MMP16: variants seen among roughly 807,000 people sequenced by gnomAD.
MMP16 encodes the protein matrix metallopeptidase 16.
A neutral mutation model predicts 67.8 loss-of-function variants in MMP16; 12 were observed. The ratio of observed to expected loss-of-function variants is 0.18; its 90% confidence interval spans 0.11 to 0.29. The LOEUF (loss-of-function observed/expected upper bound fraction) is 0.29. Among genes scored for constraint, MMP16 ranks in the 10% least tolerant of loss-of-function variants. MMP16 has a pLI of 1.00. For synonymous variants in MMP16, 249 were observed against 255.9 expected, an observed-to-expected ratio of 0.97 and a Z score of 0.26; for missense variants, 475 against 765.7, an observed-to-expected ratio of 0.62 and a Z score of 4.48.
In MMP16 at chr8:88,308,053, C is replaced by A. The variant is rs535828083; in HGVS notation, c.132+19022G>T. On this transcript the variant is annotated intron_variant, in intron 1 of 9. Transcript: ENST00000286614. ...AGAAATGTTTAAATAAATCTGTGGA[C>A]AGAACTGTATTCAGAAATAGACTGA... is the stretch of plus-strand genomic sequence containing the variant. Among the ~76,000 whole-genome samples, 10 of 152,024 alleles carry A rather than the reference C, an allele frequency of 6.6e-5. No individual in the cohort carries two copies. The East Asian group carries it at 1.9e-3, about 29-fold the overall frequency.
chr8:88,288,906 A>C (rs993586656), intron 1 of MMP16, among the ~76,000 whole-genome samples: 1 of 152,300 alleles, frequency 6.6e-6, no homozygotes, highest in Admixed American at 6.5e-5. Flanking sequence ...ACATTTTCTG[A>C]GGGAACAAAA....
intron 1 of MMP16, among the ~76,000 whole-genome samples, chr8:88,319,649 A>G (rs1159965065): frequency 6.6e-6 from 1 of 152,188 alleles, no homozygotes; most frequent in Non-Finnish European, 1.5e-5. Context: ...GTCTGACTCC[A>G]TCAGCCGCAT....
chr8:88,237,733 G>C (rs1446066202), intron 1 of MMP16, among the ~76,000 whole-genome samples: 1 of 152,278 alleles, frequency 6.6e-6, no homozygotes, highest in East Asian at 1.9e-4. Context: ...AAGTATTTGT[G>C]AAAGAGGTTG....
chr8:88,043,710 G>A (rs1808163093), intron 9 of MMP16, among the ~76,000 whole-genome samples: 1 of 152,140 alleles, frequency 6.6e-6, no homozygotes, highest in Non-Finnish European at 1.5e-5. Context: ...TTTTAGTTTT[G>A]AAGGACAGTT....
intron 6 of MMP16, among the ~76,000 whole-genome samples, chr8:88,098,647 G>T (rs1314347423): frequency 1.3e-5 from 2 of 151,930 alleles, no homozygotes; most frequent in African/African-American, 4.8e-5. Flanking sequence ...TAATTACACA[G>T]TTGGAAATTC....
chr8:88,175,795 G>C (rs1390486325), intron 3 of MMP16, among the ~76,000 whole-genome samples: 2 of 152,148 alleles, frequency 1.3e-5, no homozygotes, highest in Non-Finnish European at 2.9e-5. Flanking sequence ...GGAGGTAATT[G>C]AATCATGGGG....
At chr8:88,166,171 C>A (rs529775740) in intron 4 of MMP16, among the ~76,000 whole-genome samples, 9 of 152,018 alleles carry the variant, frequency 5.9e-5, no homozygotes, top group Non-Finnish European at 1.2e-4. Flanking sequence ...GCTAACTGAA[C>A]CCTCTTATGA....
intron 2 of MMP16, among the ~76,000 whole-genome samples, chr8:88,196,684 T>C (rs1809262111): frequency 6.6e-6 from 1 of 152,180 alleles, no homozygotes; most frequent in Non-Finnish European, 1.5e-5. Context: ...TAACTGGCTC[T>C]CTGACGCTGC....
intron 1 of MMP16, among the ~76,000 whole-genome samples, chr8:88,275,100 C>CAA (rs1261240778): frequency 6.6e-6 from 1 of 151,950 alleles, no homozygotes; most frequent in Admixed American, 6.6e-5. Flanking sequence ...CCAGACATTA[C>CAA]ACTTGAGAGG....
At chr8:88,261,172 C>G (rs1455845537) in intron 1 of MMP16, among the ~76,000 whole-genome samples, 1 of 152,094 alleles carries the variant, frequency 6.6e-6, no homozygotes, top group Non-Finnish European at 1.5e-5. Flanking sequence ...TAATCATTCC[C>G]TCTGGTCTCA....
At chr8:88,246,380 A>C (rs1311625257) in intron 1 of MMP16, among the ~76,000 whole-genome samples, 1 of 152,196 alleles carries the variant, frequency 6.6e-6, no homozygotes, top group Admixed American at 6.5e-5. Flanking sequence ...TAGCACAACT[A>C]AAGTTATTGC....
At chr8:88,230,117 T>A (rs1441320934) in intron 1 of MMP16, among the ~76,000 whole-genome samples, 1 of 152,050 alleles carries the variant, frequency 6.6e-6, no homozygotes. Flanking sequence ...TTTTGACATA[T>A]CTCTAGGACA....
chr8:88,089,702 A>G (rs1808901506), intron 6 of MMP16, among the ~76,000 whole-genome samples: 1 of 152,016 alleles, frequency 6.6e-6, no homozygotes, highest in Non-Finnish European at 1.5e-5. Context: ...GGGGTTAGAA[A>G]AGAAAGCACT....
chr8:88,304,367 C>T (rs955945781), intron 1 of MMP16, among the ~76,000 whole-genome samples: 3 of 152,146 alleles, frequency 2.0e-5, no homozygotes, highest in African/African-American at 4.8e-5. Flanking sequence ...AGTTGAAAAA[C>T]GTACTTCAGG....
rs141519242 is a variant in MMP16, at chr8:88,272,605, G to A, written c.132+54470C>T. On this transcript the variant is annotated intron_variant, in intron 1 of 9. Coordinates refer to ENST00000286614, the MANE Select transcript of MMP16 (RefSeq NM_005941.5). ...ATATTCTGGGGGCAATGGGACAATT[G>A]GTAAGTAAATGTGATCACATAACTA... Among the ~76,000 whole-genome samples the A allele has an allele frequency of 4.6e-5, 7 of 152,234 alleles. No homozygotes were observed. In the East Asian group the frequency reaches 1.4e-3, roughly 29 times the overall value.
intron 1 of MMP16, among the ~76,000 whole-genome samples, chr8:88,273,782 C>T (rs139669689): frequency 4.2e-4 from 64 of 152,020 alleles, no homozygotes; most frequent in South Asian, 1.9e-3. Flanking sequence ...AATAATTTAA[C>T]GGCAAAGAAT....
intron 1 of MMP16, among the ~76,000 whole-genome samples, chr8:88,307,865 T>G (rs1194186347): frequency 6.6e-6 from 1 of 152,070 alleles, no homozygotes; most frequent in Non-Finnish European, 1.5e-5. Flanking sequence ...TATGATTATA[T>G]GAAAATATAC....
At chr8:88,213,456 C>T (rs1466942767) in intron 1 of MMP16, among the ~76,000 whole-genome samples, 1 of 151,938 alleles carries the variant, frequency 6.6e-6, no homozygotes. Context: ...AACATTAACA[C>T]TTAAGGGAAA....
intron 4 of MMP16, 100 bp downstream of exon 4, chr8:88,167,569 A>G: frequency 8.4e-7 from 1 of 1,194,426 alleles, no homozygotes; most frequent in Non-Finnish European, 1.1e-6. Context: ...TTTAAAAGTA[A>G]ATTTAGGATC....
Sources: gnomAD v4.1 joint callset for allele counts (sites outside exome capture counted in the v4.1 genomes callset) on GRCh38, gnomAD v4.1.1 for gene constraint, MANE v1.5 for transcripts, NCBI Gene and HGNC (gene_info 2026-07-23, HGNC 2026-07-21) for gene names.